The following EDARADD variants were observed in gnomAD, a reference collection of about 807,000 sequenced individuals.
The protein encoded by EDARADD is ectodysplasin-A receptor-associated adapter protein.
EDARADD carries 20 observed loss-of-function variants against 25.6 expected under a neutral mutation model. The observed-to-expected ratio is 0.78, with a 90% CI of 0.55 to 1.14. EDARADD has a LOEUF of 1.14. Ranked by LOEUF, EDARADD falls within the 50% of genes most tolerant of loss-of-function variation. EDARADD has a pLI of 0.00. For synonymous variants in EDARADD, 86 were observed against 94.4 expected (o/e 0.91, Z 0.52); for missense variants, 225 against 270.1 (o/e 0.83, Z 1.17).
intron 3 of EDARADD, among the ~76,000 whole-genome samples, chr1:236,375,107 A>G (rs73121272): frequency 2.6e-3 from 394 of 151,978 alleles, no homozygotes; most frequent in African/African-American, 9.1e-3. Flanking sequence ...TTGTTGTCCT[A>G]CAGTTTGCAA....
intron 3 of EDARADD, among the ~76,000 whole-genome samples, chr1:236,363,660 C>T (rs1667080205): frequency 6.6e-6 from 1 of 152,030 alleles, no homozygotes; most frequent in African/African-American, 2.4e-5. Flanking sequence ...TCCCAAAGTA[C>T]TGGGATTACA....
intron 3 of EDARADD, among the ~76,000 whole-genome samples, chr1:236,368,784 G>A (rs1218275032): frequency 6.6e-6 from 1 of 152,062 alleles, no homozygotes; most frequent in Non-Finnish European, 1.5e-5. Context: ...TGTTAGTCTT[G>A]TGAACTTTAC....
Position 236,414,358 on chromosome 1 carries a change from C to T in EDARADD, c.160+59C>T. 3.7e-6 allele frequency: 5 copies of T among 1,350,922 alleles called. No homozygotes were observed. The South Asian group carries it at 6.1e-5, about 17-fold the overall frequency. The allele number at this position is 1,350,922 out of a possible 1,614,324, so 83.7% of individuals were successfully genotyped here. On this transcript the variant is annotated intron_variant, in intron 3 of 5. Coordinates refer to ENST00000334232, the MANE Select transcript of EDARADD (RefSeq NM_145861.4). ...GATTATTTTAATATTGTGAACAAAG[C>T]ACTAGTCGACCTAATTTTTCATTAT...
intron 5 of EDARADD, among the ~76,000 whole-genome samples, chr1:236,474,771 T>C (rs772107595): frequency 8.5e-5 from 13 of 152,214 alleles, no homozygotes; most frequent in Non-Finnish European, 1.5e-4. Context: ...CAGATAATTT[T>C]TGAATTTCCA....
At chr1:236,428,183 CAT>C (rs1383573439) in intron 4 of EDARADD, among the ~76,000 whole-genome samples, 3 of 152,022 alleles carry the variant, frequency 2.0e-5, no homozygotes, top group Non-Finnish European at 4.4e-5. Context: ...TCTTAAGGAG[CAT>C]GCTGCCTTCA....
At chr1:236,365,896 G>T (rs1242443020) in intron 3 of EDARADD, among the ~76,000 whole-genome samples, 1 of 152,034 alleles carries the variant, frequency 6.6e-6, no homozygotes, top group Non-Finnish European at 1.5e-5. Flanking sequence ...TGTTTAATCT[G>T]CCTTTAATTC....
chr1:236,383,034 G>A (rs1336504060), intron 3 of EDARADD, among the ~76,000 whole-genome samples: 1 of 152,088 alleles, frequency 6.6e-6, no homozygotes, highest in Non-Finnish European at 1.5e-5. Context: ...CTCAGTTCTA[G>A]CTCCTCAAAC....
intron 3 of EDARADD, among the ~76,000 whole-genome samples, chr1:236,389,059 T>C (rs1330132767): frequency 2.0e-5 from 3 of 152,206 alleles, no homozygotes; most frequent in African/African-American, 4.8e-5. Context: ...TTTTAATATA[T>C]GAAGTTCATC....
At chr1:236,381,771 T>C (rs1572117513) in intron 3 of EDARADD, among the ~76,000 whole-genome samples, 1 of 150,164 alleles carries the variant, frequency 6.7e-6, no homozygotes, top group African/African-American at 2.4e-5. Flanking sequence ...GCCTCTGTAA[T>C]ATGTCTTTTT....
intron 5 of EDARADD, among the ~76,000 whole-genome samples, chr1:236,481,286 G>A (rs1320202528): frequency 1.3e-5 from 2 of 152,160 alleles, no homozygotes; most frequent in African/African-American, 2.4e-5. Flanking sequence ...TGCAAGTGTC[G>A]GCTGGTTACT....
At chr1:236,468,549 G>A (rs997926669) in intron 5 of EDARADD, among the ~76,000 whole-genome samples, 14 of 152,260 alleles carry the variant, frequency 9.2e-5, no homozygotes, top group African/African-American at 3.4e-4. Flanking sequence ...GAACCCGGGA[G>A]GCGGAGGTTG....
intron 1 of EDARADD, among the ~76,000 whole-genome samples, chr1:236,402,946 A>G (rs974000198): frequency 6.6e-6 from 1 of 151,756 alleles, no homozygotes; most frequent in African/African-American, 2.4e-5. Flanking sequence ...AAACTTTTCA[A>G]ACTTGTCTTG....
chr1:236,455,509 G>C (rs1370171484), intron 4 of EDARADD, among the ~76,000 whole-genome samples: 1 of 152,174 alleles, frequency 6.6e-6, no homozygotes, highest in Non-Finnish European at 1.5e-5. Flanking sequence ...GATCGTTCTG[G>C]TTTGCTTGGT....
chr1:236,403,819 G>A (rs112301249), intron 1 of EDARADD, among the ~76,000 whole-genome samples: 1,742 of 152,276 alleles, frequency 0.011, 45 homozygotes, highest in African/African-American at 0.04. Flanking sequence ...AGGTGCCCTC[G>A]CCAGCCCTGA....
rs550678477 is a variant in EDARADD, at chr1:236,407,933, A to G, written c.62-1283A>G. The stretch of plus-strand genomic sequence containing the variant: ...TCAAGATTATTTTTGATAAAAAACT[A>G]TGGTTTTTTCTTTATTAGTCCACAT... On this transcript the variant is annotated intron_variant, in intron 1 of 5. Coordinates refer to ENST00000334232, the MANE Select transcript of EDARADD (RefSeq NM_145861.4). 3.9e-5 allele frequency among the ~76,000 whole-genome samples: 6 copies of G among 152,338 alleles called. No individual in the cohort carries two copies. The South Asian group carries it at 1.2e-3, about 32-fold the overall frequency.
chr1:236,375,480 A>C (rs2102994577), intron 3 of EDARADD, among the ~76,000 whole-genome samples: 1 of 151,954 alleles, frequency 6.6e-6, no homozygotes, highest in East Asian at 1.9e-4. Flanking sequence ...ACATGGTGAA[A>C]CCCCATCTCT....
rs116814979 is a variant in EDARADD, at chr1:236,433,285, G to A, written c.219+5835G>A. Among the ~76,000 whole-genome samples, 1,330 of 147,310 alleles carry A rather than the reference G, an allele frequency of 9.0e-3. 30 individuals carry two copies. Among genetic ancestry groups the A allele is most frequent in the African/African-American group, 0.032 (1,264 of 38,898 alleles). Reference sequence around the variant, plus strand: ...AAAAACAGCAAATAACCCTGGGCGCGGTGGCTCATGCCTGTAATCCCAGCA... The same window carrying A: ...AAAAACAGCAAATAACCCTGGGCGCAGTGGCTCATGCCTGTAATCCCAGCA... On this transcript the variant is annotated intron_variant, in intron 4 of 5. Coordinates refer to ENST00000334232, the MANE Select transcript of EDARADD (RefSeq NM_145861.4).
At position 236,482,496 on chromosome 1, in the gene EDARADD, G is replaced by A; in HGVS notation, c.495G>A (p.Leu165=). 6.2e-7 allele frequency: 1 copy of A among 1,613,536 alleles called. No homozygotes were observed. The highest frequency in any genetic ancestry group is 1.3e-5 in the African/African-American group (1 of 75,036). ...FLEQRPQSPT[L]EFLLRNSQRT... ...AGCAGAGGCCACAGAGCCCCACCTTGGAGTTCTTGCTCCGGAACAGTCAGA... is the reference window on the plus strand; with the variant it reads ...AGCAGAGGCCACAGAGCCCCACCTTAGAGTTCTTGCTCCGGAACAGTCAGA... The change falls in exon 6 of 6, where the codon TTG becomes TTA. Residue 165 remains leucine (L), a synonymous_variant. Coordinates refer to ENST00000334232, the MANE Select transcript of EDARADD (RefSeq NM_145861.4).
intron 3 of EDARADD, among the ~76,000 whole-genome samples, chr1:236,357,708 C>T (rs10925109): frequency 0.14 from 21,890 of 151,702 alleles, 2,103 homozygotes; most frequent in East Asian, 0.43. Flanking sequence ...AGACCTCACT[C>T]GCCAGTGTGA....
Sources: allele counts gnomAD v4.1 joint callset (sites outside exome capture counted in the v4.1 genomes callset), GRCh38; gene constraint gnomAD v4.1.1; transcripts MANE v1.5; gene names NCBI Gene and HGNC (gene_info 2026-07-23, HGNC 2026-07-21).